The following VGLL4 variants were observed in gnomAD, a reference collection of about 807,000 sequenced individuals.
VGLL4 encodes the protein vestigial like family member 4.
A neutral mutation model predicts 21.0 loss-of-function variants in VGLL4; 7 were observed. That is an observed-to-expected ratio of 0.33 (90% CI 0.19 to 0.63). The LOEUF is 0.63. Among genes scored for constraint, VGLL4 ranks in the 20% least tolerant of loss-of-function variants. The probability of loss-of-function intolerance (pLI) is 0.78; values close to 1 mark genes in which losing one functional copy is unlikely to be tolerated. For synonymous variants in VGLL4, 222 were observed against 173.2 expected (o/e 1.28, Z -2.21); for missense variants, 394 against 425.7 (o/e 0.93, Z 0.66).
At chr3:11,596,524 C>T (rs1465430814) in intron 2 of VGLL4, among the ~76,000 whole-genome samples, 4 of 152,172 alleles carry the variant, frequency 2.6e-5, no homozygotes, top group South Asian at 2.1e-4. Flanking sequence ...GAGTATGGAA[C>T]GGGGAGGGCG....
intron 1 of VGLL4, among the ~76,000 whole-genome samples, chr3:11,609,736 G>A (rs1289464803): frequency 6.6e-6 from 1 of 152,224 alleles, no homozygotes; most frequent in African/African-American, 2.4e-5. Context: ...CCAGACTGGG[G>A]TGTGGGCTGC....
rs2076958830 is a variant in VGLL4, at chr3:11,719,206, G to T, written c.-14+1188C>A. Among the ~76,000 whole-genome samples the T allele has an allele frequency of 6.6e-6, 1 of 151,884 alleles. No individual in the cohort carries two copies. The highest frequency in any genetic ancestry group is 2.4e-5 in the African/African-American group (1 of 41,398). On this transcript the variant is annotated intron_variant, in intron 1 of 5. Transcript: ENST00000273038. This position sits in a 1 kb window ranked among gnomAD's most constrained non-coding sequence, Gnocchi z 4.0. ...GTGCCAGGCGCGGGCCTCCTCGCCCGCCCCGAGCCTCCGACTCCCAGGACG... is the reference window on the plus strand; with the variant it reads ...GTGCCAGGCGCGGGCCTCCTCGCCCTCCCCGAGCCTCCGACTCCCAGGACG...
intron 2 of VGLL4, among the ~76,000 whole-genome samples, chr3:11,664,110 CACCT>C (rs1300748906): frequency 1.3e-5 from 2 of 152,066 alleles, no homozygotes; most frequent in African/African-American, 4.8e-5. Flanking sequence ...TGCTGGTGCA[CACCT>C]ATAATTCCAG....
intron 2 of VGLL4, among the ~76,000 whole-genome samples, chr3:11,667,178 T>C (rs2076139149): frequency 6.6e-6 from 1 of 152,202 alleles, no homozygotes; most frequent in Non-Finnish European, 1.5e-5. Flanking sequence ...GCCTGCCGCA[T>C]CTCAAACTCA....
intron 1 of VGLL4, among the ~76,000 whole-genome samples, chr3:11,629,716 C>A (rs1295828723): frequency 6.8e-6 from 1 of 147,002 alleles, no homozygotes; most frequent in Non-Finnish European, 1.5e-5. Flanking sequence ...TCGCTGCACT[C>A]CAGCCTGGGC....
At chr3:11,584,724 G>C (rs2074321602) in intron 2 of VGLL4, among the ~76,000 whole-genome samples, 2 of 151,866 alleles carry the variant, frequency 1.3e-5, no homozygotes, top group South Asian at 4.1e-4. Context: ...TAAGGAAAAA[G>C]GGGCAACTTA....
chr3:11,614,785 G>A (rs114204695), intron 1 of VGLL4, among the ~76,000 whole-genome samples: 35 of 152,294 alleles, frequency 2.3e-4, no homozygotes, highest in Admixed American at 4.6e-4. Flanking sequence ...CACACCATTC[G>A]AGAGCCTGAC....
upstream of VGLL4, chr3:11,643,923 A>T (rs985398951): frequency 1.1e-5 from 11 of 1,006,122 alleles, no homozygotes; most frequent in African/African-American, 3.5e-5. Context: ...TATGCTTGGC[A>T]TGACTCCTAT....
chr3:11,672,328 C>T (rs1050656696), intron 2 of VGLL4, among the ~76,000 whole-genome samples: 7 of 152,148 alleles, frequency 4.6e-5, no homozygotes, highest in Non-Finnish European at 7.3e-5. Flanking sequence ...GAACACTGTA[C>T]TCGTAGAGTT....
chr3:11,717,632 C>T (rs1055562510), intron 1 of VGLL4, among the ~76,000 whole-genome samples: 12 of 151,582 alleles, frequency 7.9e-5, no homozygotes, highest in African/African-American at 1.9e-4. Context: ...TGAAACACCG[C>T]GCCCGGCCCA....
chr3:11,556,383 GC>G lies in VGLL4; in HGVS notation c.*2172del, dbSNP rs931047138. The G allele has an allele frequency of 2.0e-5, 3 of 152,858 alleles. No individual in the cohort carries two copies. The highest frequency in any genetic ancestry group is 4.4e-5 in the Non-Finnish European group (3 of 68,204). 9.5% of individuals were successfully genotyped at this position (152,858 alleles called of 1,614,324 possible). A position where few individuals can be genotyped will look rare whatever the true frequency, so the allele number is the denominator to read the frequency against. ...GATAGGTCAGTGCACCAGGGACCCGGCCGCCAGCACCGCCGACCCCTCCCAG... is the reference window on the plus strand; with the variant it reads ...GATAGGTCAGTGCACCAGGGACCCGGCGCCAGCACCGCCGACCCCTCCCAG... On this transcript the variant is annotated 3_prime_UTR_variant, in exon 5 of 5. Coordinates refer to ENST00000430365, the MANE Select transcript of VGLL4 (RefSeq NM_001128219.3).
intron 2 of VGLL4, among the ~76,000 whole-genome samples, chr3:11,596,791 T>C (rs569302426): frequency 6.6e-6 from 1 of 152,326 alleles, no homozygotes; most frequent in South Asian, 2.1e-4. Context: ...GGCTGGTGTC[T>C]GCTGTACTAT....
intron 1 of VGLL4, among the ~76,000 whole-genome samples, chr3:11,630,369 G>A (rs1184407476): frequency 6.6e-6 from 1 of 152,134 alleles, no homozygotes; most frequent in Non-Finnish European, 1.5e-5. Flanking sequence ...TCCTGGCCGG[G>A]CGTGGTGGCT....
chr3:11,711,408 CAAAAA>C (rs2076842888), intron 1 of VGLL4, among the ~76,000 whole-genome samples: 1 of 151,654 alleles, frequency 6.6e-6, no homozygotes. Flanking sequence ...ACTAAAAGTA[CAAAAA>C]ATTAGCCAGG....
chr3:11,648,497 T>C (rs913568711), upstream of VGLL4, among the ~76,000 whole-genome samples: 2 of 152,272 alleles, frequency 1.3e-5, no homozygotes, highest in South Asian at 4.1e-4. Flanking sequence ...AAGCCAGAAA[T>C]AAAATTTTTA....
chr3:11,714,353 G>C (rs555783369), intron 1 of VGLL4, among the ~76,000 whole-genome samples: 40 of 152,222 alleles, frequency 2.6e-4, no homozygotes, highest in Middle Eastern at 3.4e-3. Context: ...AACTTTCTGA[G>C]CAGACTACCA....
chr3:11,710,969 G>A (rs1345946037), intron 1 of VGLL4, among the ~76,000 whole-genome samples: 1 of 151,908 alleles, frequency 6.6e-6, no homozygotes, highest in East Asian at 1.9e-4. Context: ...GCGTGGTGGT[G>A]AGCACCTGTA....
chr3:11,702,892 G>A, intron 2 of VGLL4: 2 of 1,354,470 alleles, frequency 1.5e-6, no homozygotes, highest in Admixed American at 2.4e-5. Flanking sequence ...ATGTAGAGAA[G>A]CATGTAATTT....
chr3:11,595,768 T>C (rs1410378934), intron 2 of VGLL4, among the ~76,000 whole-genome samples: 12 of 150,714 alleles, frequency 8.0e-5, no homozygotes, highest in African/African-American at 2.2e-4. Flanking sequence ...TTCTCACTCA[T>C]AGGTGGGAAT....
Sources: allele counts gnomAD v4.1 joint callset (sites outside exome capture counted in the v4.1 genomes callset), GRCh38; gene constraint gnomAD v4.1.1; non-coding constraint Gnocchi (gnomAD v3.1); transcripts MANE v1.5; gene names NCBI Gene and HGNC (gene_info 2026-07-23, HGNC 2026-07-21).